Variants in ZW10 observed in about 807,000 individuals in gnomAD.
The protein encoded by ZW10 is zw10 kinetochore protein, also known as centromere/kinetochore protein zw10 homolog.
A neutral mutation model predicts 87.8 loss-of-function variants in ZW10; 53 were observed. The ratio of observed to expected loss-of-function variants is 0.60; its 90% CI spans 0.48 to 0.76. The LOEUF (loss-of-function observed/expected upper bound fraction) is 0.76, where lower values mean the gene tolerates loss of function less well. Among genes scored for constraint, ZW10 ranks in the 30% least tolerant of loss-of-function variants. The probability of loss-of-function intolerance (pLI) is 0.00; values close to 1 mark genes in which losing one functional copy is unlikely to be tolerated. For synonymous variants in ZW10, 312 were observed against 329.2 expected, an observed-to-expected ratio of 0.95 and a Z score of 0.57; for missense variants, 837 against 923.0, an observed-to-expected ratio of 0.91 and a Z score of 1.21.
intron 7 of ZW10, among the ~76,000 whole-genome samples, chr11:113,753,910 G>GAAAA (rs1464120406): frequency 1.3e-5 from 2 of 152,224 alleles, no homozygotes; most frequent in African/African-American, 4.8e-5. Flanking sequence ...CTCCATAATA[G>GAAAA]AAAAGCTCAA....
In ZW10 at chr11:113,733,793, G is replaced by A. The variant is rs1403134530; in HGVS notation, c.2241C>T (p.Pro747=). 1.2e-6 allele frequency: 2 copies of A among 1,609,222 alleles called. No homozygotes were observed. The highest frequency in any genetic ancestry group is 1.7e-6 in the Non-Finnish European group (2 of 1,177,052). ...IGDRWADGKG[P]LAAAFSSSEV... ...CACTGGAAGAGAACGCAGCTGCCAG[G>A]GGTCCTTTTCCATCTGCCCACCTGC... The change falls in exon 16 of 16, where the codon CCC becomes CCT. Residue 747 remains proline, a synonymous_variant. Transcript: ENST00000200135.
At chr11:113,751,631 T>C (rs1953735458) in intron 7 of ZW10, among the ~76,000 whole-genome samples, 1 of 152,232 alleles carries the variant, frequency 6.6e-6, no homozygotes, top group Non-Finnish European at 1.5e-5. Context: ...ATCCCCGCAC[T>C]TTGGGAGCCA....
intron 9 of ZW10, among the ~76,000 whole-genome samples, chr11:113,746,170 G>A (rs1193104785): frequency 6.6e-6 from 1 of 152,178 alleles, no homozygotes; most frequent in Admixed American, 6.5e-5. Context: ...TCCTGACCTA[G>A]AGGAAGCTAC....
At chr11:113,770,944 C>T (rs1953959225) in intron 1 of ZW10, among the ~76,000 whole-genome samples, 1 of 150,462 alleles carries the variant, frequency 6.6e-6, no homozygotes, top group Non-Finnish European at 1.5e-5. Flanking sequence ...GTCTGTACTT[C>T]CTCAAGTCGG....
At chr11:113,762,826 T>A (rs1282552524) in intron 2 of ZW10, among the ~76,000 whole-genome samples, 2 of 152,226 alleles carry the variant, frequency 1.3e-5, no homozygotes, top group African/African-American at 4.8e-5. Context: ...CTAAACTTTT[T>A]AACTCTTGCA....
intron 1 of ZW10, chr11:113,771,441 G>C (rs952551419): frequency 6.6e-6 from 1 of 152,194 alleles, no homozygotes; most frequent in African/African-American, 2.4e-5. Flanking sequence ...AATCTTAAAA[G>C]AAATTATTTT....
chr11:113,750,858 G>GTT lies in ZW10; in HGVS notation c.926-2440_926-2439dup, dbSNP rs551864128. 3.0e-3 allele frequency among the ~76,000 whole-genome samples: 435 copies of GTT among 144,370 alleles called. 3 individuals are homozygous for GTT. Among genetic ancestry groups the GTT allele is most frequent in the African/African-American group, 0.01 (410 of 39,570 alleles). 94.7% of individuals were successfully genotyped at this position (144,370 alleles called of 152,430 possible). ...GGGAGATGGCAAAAGAAGTGATCTT[G>GTT]TTTTTTTTTTTAATTTTCTTAAAAA... On this transcript the variant is annotated intron_variant, in intron 7 of 15. Coordinates refer to ENST00000200135, the MANE Select transcript of ZW10 (RefSeq NM_004724.4).
rs750210050 is a variant in ZW10, at chr11:113,737,692, T to C, written c.1896A>G (p.Gln632=). The C allele has an allele frequency of 2.5e-6, 4 of 1,613,004 alleles. No homozygotes were observed. In the East Asian group the frequency reaches 8.9e-5, roughly 36 times the overall value. The change falls in exon 14 of 16, where the codon CAA becomes CAG. Residue 632 remains glutamine, a synonymous_variant. Coordinates refer to ENST00000200135, the MANE Select transcript of ZW10 (RefSeq NM_004724.4). ...ASKAVRQVLH[Q]LKRLGIVWQD... is the part of the protein sequence containing the mutation. Reference sequence around the variant, plus strand: ...GCCACACAATTCCAAGTCTCTTTAGTTGGTGCAGTACCTGTAGAAGAATAC... The same window carrying C: ...GCCACACAATTCCAAGTCTCTTTAGCTGGTGCAGTACCTGTAGAAGAATAC...
chr11:113,750,936 C>A (rs1953727455), intron 7 of ZW10, among the ~76,000 whole-genome samples: 1 of 150,922 alleles, frequency 6.6e-6, no homozygotes, highest in Non-Finnish European at 1.5e-5. Context: ...AATGAAGCAA[C>A]CACAGAATAC....
intron 10 of ZW10, among the ~76,000 whole-genome samples, chr11:113,742,003 C>T (rs767419701): frequency 6.6e-6 from 1 of 152,190 alleles, no homozygotes; most frequent in Non-Finnish European, 1.5e-5. Flanking sequence ...TAAGAAGAGC[C>T]GCATTCAACC....
chr11:113,762,719 T>C (rs1470500777), intron 2 of ZW10, among the ~76,000 whole-genome samples: 1 of 152,116 alleles, frequency 6.6e-6, no homozygotes, highest in African/African-American at 2.4e-5. Flanking sequence ...GGTTTTATCA[T>C]GTTGGCCAGG....
chr11:113,736,946 T>C, intron 14 of ZW10, 124 bp from the exon 15 acceptor site: 3 of 767,650 alleles, frequency 3.9e-6, no homozygotes, highest in South Asian at 3.2e-5. Flanking sequence ...TCCAACCAAT[T>C]TGGAACAACT....
At chr11:113,770,966 T>G in intron 1 of ZW10, among the ~76,000 whole-genome samples, 1 of 133,688 alleles carries the variant, frequency 7.5e-6, no homozygotes, top group African/African-American at 2.7e-5. Flanking sequence ...GACTTGAGGA[T>G]GCTATTTTTT....
Position 113,733,419 on chromosome 11 carries a change from A to T in ZW10, c.*275T>A. The stretch of plus-strand genomic sequence containing the variant: ...CCCAGAGGGCTCTGGAAGCAGCATG[A>T]AATAATGCTGCCTGACAGTTTGTTA... On this transcript the variant is annotated 3_prime_UTR_variant, in exon 16 of 16. Transcript: ENST00000200135. 2.5e-6 allele frequency: 1 copy of T among 407,986 alleles called. No homozygotes were observed. The allele number at this position is 407,986 out of a possible 1,614,324, so 25.3% of individuals were successfully genotyped here.
In ZW10 at chr11:113,736,824, T is replaced by C; in HGVS notation, c.2017-2A>G. The C allele has an allele frequency of 6.2e-7, 1 of 1,614,090 alleles. No individual in the cohort carries two copies. The highest frequency in any genetic ancestry group is 8.5e-7 in the Non-Finnish European group (1 of 1,179,948). On this transcript the variant is annotated splice_acceptor_variant, in intron 14 of 15. Transcript: ENST00000200135. LOFTEE classifies it high-confidence loss of function. ...ATCACCATCTTCAGTAGATATGTCCTGGTTTTGCACAGAGGAAACACAATA... is the reference window on the plus strand; with the variant it reads ...ATCACCATCTTCAGTAGATATGTCCCGGTTTTGCACAGAGGAAACACAATA...
intron 11 of ZW10, 51 bp downstream of exon 11, chr11:113,741,643 A>G: frequency 8.1e-7 from 1 of 1,233,162 alleles, no homozygotes; most frequent in Non-Finnish European, 1.1e-6. Context: ...CTTAACTTCC[A>G]CATCTTAGAC....
chr11:113,750,367 G>T (rs1028535382), intron 7 of ZW10, among the ~76,000 whole-genome samples: 1 of 151,466 alleles, frequency 6.6e-6, no homozygotes, highest in Non-Finnish European at 1.5e-5. Flanking sequence ...GCAATGGCGC[G>T]ATCTTGGCTC....
chr11:113,753,831 G>A lies in ZW10; in HGVS notation c.925+3831C>T, dbSNP rs113202960. 8.0e-3 allele frequency among the ~76,000 whole-genome samples: 1,213 copies of A among 152,336 alleles called. 17 individuals carry two copies. Among genetic ancestry groups the A allele is most frequent in the African/African-American group, 0.028 (1,171 of 41,568 alleles). ...CAATTCTATGAAGGCTCAGAGAGGT[G>A]AGGAAGCTGCAGGAGAAAAGGCTGA... On this transcript the variant is annotated intron_variant, in intron 7 of 15. Coordinates refer to ENST00000200135, the MANE Select transcript of ZW10 (RefSeq NM_004724.4).
intron 13 of ZW10, 59 bp downstream of exon 13, chr11:113,738,205 C>CAA: frequency 6.8e-7 from 1 of 1,465,780 alleles, no homozygotes. Flanking sequence ...AAAAAGCAAA[C>CAA]AAAAAAAAAG....
Sources: gnomAD v4.1 joint callset for allele counts (sites outside exome capture counted in the v4.1 genomes callset) on GRCh38, gnomAD v4.1.1 for gene constraint, MANE v1.5 for transcripts, NCBI Gene and HGNC (gene_info 2026-07-23, HGNC 2026-07-21) for gene names.